NKIRAS1: variants seen among roughly 807,000 people sequenced by gnomAD.
The protein encoded by NKIRAS1 is NF-kappa-B inhibitor-interacting Ras-like protein 1.
Under a neutral mutation model 19.8 loss-of-function variants are expected in NKIRAS1, and 16 were observed. That is an observed-to-expected ratio of 0.81 (90% CI 0.55 to 1.23). The LOEUF is 1.23. Among genes scored for constraint, NKIRAS1 ranks in the 50% most tolerant of loss-of-function variants. NKIRAS1 has a pLI of 0.00. For missense variants in NKIRAS1, 184 were observed against 220.0 expected (o/e 0.84, Z 1.04); for synonymous variants, 88 against 79.0 (o/e 1.11, Z -0.61).
At position 23,945,534 on chromosome 3, in the gene NKIRAS1, C is replaced by A. The variant is rs558029591; in HGVS notation, c.-140+789G>T. The A allele has an allele frequency of 8.0e-6, 9 of 1,127,900 alleles. No homozygotes were observed. In the East Asian group the frequency reaches 2.2e-4, roughly 28 times the overall value. The allele number at this position is 1,127,900 out of a possible 1,614,324, so 69.9% of individuals were successfully genotyped here. Reference sequence around the variant, plus strand: ...TGAGGCGGCGGCGGCGGCGCTGCCCCCTCTGCGGGAAGCGGGCGGCCCCGG... The same window carrying A: ...TGAGGCGGCGGCGGCGGCGCTGCCCACTCTGCGGGAAGCGGGCGGCCCCGG... On this transcript the variant is annotated intron_variant, in intron 1 of 4. Coordinates refer to the NKIRAS1 transcript ENST00000421515.
rs371673714 is a variant in NKIRAS1, at chr3:23,927,145, C to A, written c.-139-15695G>T. 6.6e-6 allele frequency among the ~76,000 whole-genome samples: 1 copy of A among 152,144 alleles called. No individual in the cohort carries two copies. The highest frequency in any genetic ancestry group is 1.9e-4 in the East Asian group (1 of 5,196). The stretch of plus-strand genomic sequence containing the variant: ...CATCACTATACATATAGTTTTCAAC[C>A]TATTTTTATATAAGAAAAATAAACT... On this transcript the variant is annotated intron_variant, in intron 1 of 4. Coordinates refer to the NKIRAS1 transcript ENST00000421515. This position sits in a 1 kb window ranked among gnomAD's most constrained non-coding sequence, Gnocchi z 4.0.
At chr3:23,937,447 T>G (rs1705416481) in intron 1 of NKIRAS1, among the ~76,000 whole-genome samples, 1 of 152,180 alleles carries the variant, frequency 6.6e-6, no homozygotes, top group African/African-American at 2.4e-5. Context: ...CAATGAAGTA[T>G]TTTCAAAAGA....
At chr3:23,920,933 A>T (rs1705045783), upstream of NKIRAS1, 4 of 185,316 alleles carry the variant, frequency 2.2e-5, no homozygotes, top group Non-Finnish European at 4.1e-5. Context: ...AAGGCATCAA[A>T]ATGTGATTAT....
chr3:23,890,205 C>T lies in NKIRAS1; in HGVS notation c.*2890G>A, dbSNP rs1477506272. On this transcript the variant is annotated 3_prime_UTR_variant, in exon 5 of 5. Coordinates refer to ENST00000425478, the MANE Select transcript of NKIRAS1 (RefSeq NM_020345.4). Reference sequence around the variant, plus strand: ...GAAGCCTTGACCGTTCCAGTCTCTACTGAACTCAGCCTAACACATAAGAGT... The same window carrying T: ...GAAGCCTTGACCGTTCCAGTCTCTATTGAACTCAGCCTAACACATAAGAGT... Among the ~76,000 whole-genome samples, 1 of 152,136 alleles carries T rather than the reference C, an allele frequency of 6.6e-6. No homozygotes were observed. Among genetic ancestry groups the T allele is most frequent in the Non-Finnish European group, 1.5e-5 (1 of 68,042 alleles).
At chr3:23,921,502 A>G (rs1575124399), upstream of NKIRAS1, 2 of 668,194 alleles carry the variant, frequency 3.0e-6, no homozygotes, top group East Asian at 2.7e-5. Flanking sequence ...ACCGCCCCAC[A>G]AGCTGTTCCC....
upstream of NKIRAS1, chr3:23,918,118 G>T (rs1704776227): frequency 1.3e-6 from 2 of 1,487,166 alleles, no homozygotes; most frequent in Admixed American, 4.5e-5. Flanking sequence ...TGCTGCCTCA[G>T]TGTCTTTCTT....
chr3:23,910,406 C>T (rs1000616652), intron 3 of NKIRAS1, among the ~76,000 whole-genome samples: 41 of 152,116 alleles, frequency 2.7e-4, no homozygotes, highest in African/African-American at 9.4e-4. Flanking sequence ...CCGCCTGCCT[C>T]GGCCTCCCAA....
Position 23,892,428 on chromosome 3 carries a change from G to A in NKIRAS1, c.*667C>T, listed in dbSNP as rs902749383. ...GGAGGAGCAAACAGTTTGCCCTCAA[G>A]TATCTGGTCTATCAACAGGGGTCTG... On this transcript the variant is annotated 3_prime_UTR_variant, in exon 5 of 5. Coordinates refer to ENST00000425478, the MANE Select transcript of NKIRAS1 (RefSeq NM_020345.4). The A allele has an allele frequency of 3.3e-5, 5 of 152,202 alleles. No homozygotes were observed. The highest frequency in any genetic ancestry group is 1.2e-4 in the African/African-American group (5 of 41,450). The allele number at this position is 152,202 out of a possible 1,614,324, so 9.4% of individuals were successfully genotyped here.
At chr3:23,919,058 G>A, upstream of NKIRAS1, 2 of 641,482 alleles carry the variant, frequency 3.1e-6, no homozygotes, top group Non-Finnish European at 5.5e-6. Context: ...ATAGTCTAGG[G>A]AGAAATGCTT....
chr3:23,898,790 G>A lies in NKIRAS1; in HGVS notation c.336+2018C>T, dbSNP rs538015570. On this transcript the variant is annotated intron_variant, in intron 4 of 4. Transcript: ENST00000425478. ...GGGGTCCCCAACCCCTAGGTCATGC[G>A]CTGGTACCAGTCCAGGGCCTGTTAG... Among the ~76,000 whole-genome samples the A allele has an allele frequency of 6.4e-4, 98 of 152,156 alleles. No individual in the cohort carries two copies. In the South Asian group the frequency reaches 7.5e-3, roughly 12 times the overall value.
At chr3:23,924,667 G>A (rs548078941) in intron 1 of NKIRAS1, among the ~76,000 whole-genome samples, 2 of 152,248 alleles carry the variant, frequency 1.3e-5, no homozygotes, top group South Asian at 2.1e-4. Flanking sequence ...CTCCCAAAGT[G>A]CTGGGATTAC....
At chr3:23,907,975 A>G in intron 3 of NKIRAS1, among the ~76,000 whole-genome samples, 1 of 152,234 alleles carries the variant, frequency 6.6e-6, no homozygotes, top group East Asian at 1.9e-4. Context: ...TTTCTCAAAA[A>G]GTAATAAAGG....
chr3:23,932,704 A>T (rs201030299), intron 1 of NKIRAS1, among the ~76,000 whole-genome samples: 1 of 151,760 alleles, frequency 6.6e-6, no homozygotes, highest in East Asian at 1.9e-4. Context: ...AAAAAAAAAA[A>T]AAAAGTAACT....
At chr3:23,936,296 C>T (rs890537316) in intron 1 of NKIRAS1, among the ~76,000 whole-genome samples, 6 of 152,036 alleles carry the variant, frequency 3.9e-5, no homozygotes, top group Non-Finnish European at 8.8e-5. Flanking sequence ...AAATACTGGT[C>T]GCTTGAAGGT....
intron 1 of NKIRAS1, among the ~76,000 whole-genome samples, chr3:23,939,909 G>A (rs111449246): frequency 7.1e-4 from 108 of 152,272 alleles, no homozygotes; most frequent in African/African-American, 1.4e-3. Flanking sequence ...TCAGGAAGAC[G>A]AAGAAAGCCT....
At chr3:23,918,223 T>C (rs971870242), upstream of NKIRAS1, 1 of 928,078 alleles carries the variant, frequency 1.1e-6, no homozygotes, top group Non-Finnish European at 1.6e-6. Context: ...GTTACAAATC[T>C]GAATGAGTTC....
chr3:23,938,070 G>A (rs752327166), intron 1 of NKIRAS1, among the ~76,000 whole-genome samples: 3 of 152,108 alleles, frequency 2.0e-5, no homozygotes, highest in Non-Finnish European at 4.4e-5. Flanking sequence ...ACCATTATGT[G>A]GAGTGGGGGC....
At chr3:23,920,322 A>G (rs1278885473), upstream of NKIRAS1, 1 of 985,622 alleles carries the variant, frequency 1.0e-6, no homozygotes, top group Non-Finnish European at 1.2e-6. Context: ...TCTTAAAAAC[A>G]TCTTGGGTTA....
chr3:23,892,438 T>C lies in NKIRAS1; in HGVS notation c.*657A>G, dbSNP rs1054473354. ...ACAGTTTGCCCTCAAGTATCTGGTCTATCAACAGGGGTCTGGCTAAGGAAA... is the reference window on the plus strand; with the variant it reads ...ACAGTTTGCCCTCAAGTATCTGGTCCATCAACAGGGGTCTGGCTAAGGAAA... On this transcript the variant is annotated 3_prime_UTR_variant, in exon 5 of 5. Transcript: ENST00000425478. 2.6e-5 allele frequency: 4 copies of C among 152,234 alleles called. No individual in the cohort carries two copies. The highest frequency in any genetic ancestry group is 9.6e-5 in the African/African-American group (4 of 41,456). 9.4% of individuals were successfully genotyped at this position (152,234 alleles called of 1,614,324 possible).
Sources: allele counts gnomAD v4.1 joint callset (sites outside exome capture counted in the v4.1 genomes callset), GRCh38; gene constraint gnomAD v4.1.1; non-coding constraint Gnocchi (gnomAD v3.1); transcripts MANE v1.5; gene names NCBI Gene and HGNC (gene_info 2026-07-23, HGNC 2026-07-21).